OGFRL1: variants seen among roughly 807,000 people sequenced by gnomAD.
The protein encoded by OGFRL1 is opioid growth factor receptor like 1.
Under a neutral mutation model 32.4 loss-of-function variants are expected in OGFRL1, and 26 were observed. That is an observed-to-expected ratio of 0.80 (90% CI 0.59 to 1.11). OGFRL1 has a LOEUF of 1.11. OGFRL1 is among the 50% of genes most tolerant of loss of function. The probability of loss-of-function intolerance (pLI) is 0.00; values close to 1 mark genes in which losing one functional copy is unlikely to be tolerated. For synonymous variants in OGFRL1, 211 were observed against 201.2 expected, an observed-to-expected ratio of 1.05 and a Z score of -0.41; for missense variants, 521 against 546.4, an observed-to-expected ratio of 0.95 and a Z score of 0.46.
At position 71,293,249 on chromosome 6, in the gene OGFRL1, T is replaced by C. The variant is rs375126115; in HGVS notation, c.235-44T>C. 7 of 1,511,596 alleles carry C rather than the reference T, an allele frequency of 4.6e-6. No homozygotes were observed. In the African/African-American group the frequency reaches 6.9e-5, roughly 15 times the overall value. 93.6% of individuals were successfully genotyped at this position (1,511,596 alleles called of 1,614,324 possible). On this transcript the variant is annotated intron_variant, in intron 1 of 6. Coordinates refer to ENST00000370435, the MANE Select transcript of OGFRL1 (RefSeq NM_024576.5). Reference sequence around the variant, plus strand: ...TGTTCTGGAAATTTCTTTGTGAAATTATCTTGCGTCAACATGTAAACGGAG... The same window carrying C: ...TGTTCTGGAAATTTCTTTGTGAAATCATCTTGCGTCAACATGTAAACGGAG...
rs1316819170 is a variant in OGFRL1 at position 71,308,446 on chromosome 6, G to C, written c.*6397G>C. On this transcript the variant is annotated 3_prime_UTR_variant, in exon 7 of 7. Coordinates refer to ENST00000370435, the MANE Select transcript of OGFRL1 (RefSeq NM_024576.5). ...AGATTATGTCATTTTGGAAACTATTGTGTCCCTTGTATTTTAAATATTTCA... is the reference window on the plus strand; with the variant it reads ...AGATTATGTCATTTTGGAAACTATTCTGTCCCTTGTATTTTAAATATTTCA... 6.6e-6 allele frequency: 1 copy of C among 152,116 alleles called. No homozygotes were observed. Among genetic ancestry groups the C allele is most frequent in the African/African-American group, 2.4e-5 (1 of 41,420 alleles). 9.4% of individuals were successfully genotyped at this position (152,116 alleles called of 1,614,324 possible). A position where few individuals can be genotyped will look rare whatever the true frequency, so the allele number is the denominator to read the frequency against.
chr6:71,296,293 C>A (rs1258822561), intron 3 of OGFRL1, 24 bp from the exon 4 acceptor site: 1 of 1,471,530 alleles, frequency 6.8e-7, no homozygotes, highest in African/African-American at 1.4e-5. Flanking sequence ...ATGTCTGGTT[C>A]ATTTTTAAAT....
Position 71,293,627 on chromosome 6 carries a change from C to T in OGFRL1, c.400+16C>T. 1.3e-6 allele frequency: 2 copies of T among 1,512,864 alleles called. No homozygotes were observed. The highest frequency in any genetic ancestry group is 1.4e-5 in the African/African-American group (1 of 72,534). The allele number at this position is 1,512,864 out of a possible 1,614,324, so 93.7% of individuals were successfully genotyped here. A position where few individuals can be genotyped will look rare whatever the true frequency, so the allele number is the denominator to read the frequency against. On this transcript the variant is annotated intron_variant, in intron 3 of 6. Transcript: ENST00000370435. The stretch of plus-strand genomic sequence containing the variant: ...AAGCCAGATGGTGAGTAACGTACTA[C>T]TTGATAAATTGCACTTTAAATAATC...
rs1765956710 is a variant in OGFRL1, at chr6:71,289,149, C to G, written c.213C>G (p.Ala71=). ...PGASPAPDED[A]EAAGAEQGGD... is the part of the protein sequence containing the mutation. Reference sequence around the variant, plus strand: ...CCAGCCCCGCGCCGGACGAGGACGCCGAGGCGGCGGGCGCCGAGCAGGTAC... The same window carrying G: ...CCAGCCCCGCGCCGGACGAGGACGCGGAGGCGGCGGGCGCCGAGCAGGTAC... The change falls in exon 1 of 7, where the codon GCC becomes GCG. Residue 71 remains alanine (A), a synonymous_variant. Coordinates refer to ENST00000370435, the MANE Select transcript of OGFRL1 (RefSeq NM_024576.5). 1 of 1,086,484 alleles carries G rather than the reference C, an allele frequency of 9.2e-7. No individual in the cohort carries two copies. The highest frequency in any genetic ancestry group is 4.3e-5 in the South Asian group (1 of 23,342). 67.3% of individuals were successfully genotyped at this position (1,086,484 alleles called of 1,614,324 possible).
chr6:71,299,865 T>C (rs890957439), intron 6 of OGFRL1, among the ~76,000 whole-genome samples: 2 of 152,224 alleles, frequency 1.3e-5, no homozygotes, highest in Non-Finnish European at 2.9e-5. Flanking sequence ...CACAGTTGAA[T>C]GTTAAGACAA....
At position 71,301,958 on chromosome 6, in the gene OGFRL1, CTCCTGAG is replaced by C. The variant is rs1561952110; in HGVS notation, c.1266_1272del (p.Pro423IlefsTer25). The C allele has an allele frequency of 6.2e-7, 1 of 1,608,126 alleles. No individual in the cohort carries two copies. The highest frequency in any genetic ancestry group is 1.7e-5 in the Admixed American group (1 of 58,324). ...CCCACAGAAAAAAAGGAGAGTGTAT[CTCCTGAG>C]AATAACGAAGAAGGTGGAAATGATA... On this transcript the variant is annotated frameshift_variant, in exon 7 of 7. Coordinates refer to ENST00000370435, the MANE Select transcript of OGFRL1 (RefSeq NM_024576.5). LOFTEE classifies it low-confidence loss of function (END_TRUNC).
intron 1 of OGFRL1, among the ~76,000 whole-genome samples, chr6:71,292,557 C>A (rs1766082988): frequency 6.6e-6 from 1 of 152,162 alleles, no homozygotes; most frequent in Admixed American, 6.5e-5. Flanking sequence ...CTTTAAAAAT[C>A]AGTTCATGGT....
chr6:71,289,175 G>C lies in OGFRL1; in HGVS notation c.234+5G>C. The C allele has an allele frequency of 9.4e-7, 1 of 1,068,570 alleles. No homozygotes were observed. The highest frequency in any genetic ancestry group is 1.1e-6 in the Non-Finnish European group (1 of 886,280). 66.2% of individuals were successfully genotyped at this position (1,068,570 alleles called of 1,614,324 possible). ...GAGGCGGCGGGCGCCGAGCAGGTACGCGGCCCAGCGGTGGCCTCGGGTCGG... is the reference window on the plus strand; with the variant it reads ...GAGGCGGCGGGCGCCGAGCAGGTACCCGGCCCAGCGGTGGCCTCGGGTCGG... On this transcript the variant is annotated splice_donor_5th_base_variant and intron_variant, in intron 1 of 6. Transcript: ENST00000370435.
In OGFRL1 at chr6:71,293,462, T is replaced by C; in HGVS notation, c.322-71T>C. 4 of 1,558,854 alleles carry C rather than the reference T, an allele frequency of 2.6e-6. No individual in the cohort carries two copies. In the East Asian group the frequency reaches 6.7e-5, roughly 26 times the overall value. ...TTTTTATGGTGCCACTGAGAAAACATGCATGAAGGGTCCTTGTATCTTTAC... is the reference window on the plus strand; with the variant it reads ...TTTTTATGGTGCCACTGAGAAAACACGCATGAAGGGTCCTTGTATCTTTAC... On this transcript the variant is annotated intron_variant, in intron 2 of 6. Transcript: ENST00000370435.
intron 6 of OGFRL1, among the ~76,000 whole-genome samples, chr6:71,300,564 G>C (rs903934419): frequency 5.9e-5 from 9 of 151,990 alleles, no homozygotes; most frequent in African/African-American, 2.2e-4. Context: ...CAAATATGGT[G>C]GTCCCTAATC....
intron 3 of OGFRL1, chr6:71,295,520 G>A (rs988906923): frequency 3.9e-5 from 6 of 152,092 alleles, no homozygotes; most frequent in Non-Finnish European, 8.8e-5. Flanking sequence ...AGGGTGAAAA[G>A]GGCTTACTTC....
chr6:71,289,504 T>C (rs972129120), intron 1 of OGFRL1: 1 of 954,846 alleles, frequency 1.0e-6, no homozygotes. Flanking sequence ...GGAACCTGTC[T>C]AAAAATAGAG....
At chr6:71,291,567 G>C (rs1370028214) in intron 1 of OGFRL1, 1 of 152,194 alleles carries the variant, frequency 6.6e-6, no homozygotes, top group Non-Finnish European at 1.5e-5. Context: ...GAACAATATT[G>C]AACAACAGAA....
Position 71,301,943 on chromosome 6 carries a change from A to C in OGFRL1, c.1250A>C (p.Lys417Thr), listed in dbSNP as rs143633069. 58 of 1,613,644 alleles carry C rather than the reference A, an allele frequency of 3.6e-5. No homozygotes were observed. In the African/African-American group the frequency reaches 4.8e-4, roughly 13 times the overall value. The change falls in exon 7 of 7, where the codon AAA (lysine) becomes ACA (threonine). Residue 417 changes from lysine (K) to threonine (T), a missense_variant. Physicochemically the swap from Lys to Thr is moderately conservative, Grantham distance 78. Coordinates refer to ENST00000370435, the MANE Select transcript of OGFRL1 (RefSeq NM_024576.5). ...AAAACAGTTACTACTCCCACAGAAA[A>C]AAAGGAGAGTGTATCTCCTGAGAAT... Reference protein sequence around the residue: ...PEKTVTTPTEKKESVSPENNE... With the variant: ...PEKTVTTPTETKESVSPENNE...
chr6:71,289,278 G>A, intron 1 of OGFRL1, 108 bp downstream of exon 1: 1 of 1,011,114 alleles, frequency 9.9e-7, no homozygotes, highest in Non-Finnish European at 1.2e-6. Context: ...CCAGGTGGCT[G>A]CTCGCCGCTG....
chr6:71,300,106 T>C (rs887124523), intron 6 of OGFRL1, among the ~76,000 whole-genome samples: 1 of 152,210 alleles, frequency 6.6e-6, no homozygotes, highest in Non-Finnish European at 1.5e-5. Flanking sequence ...TCAAGCATTT[T>C]TGGAAGCTAG....
intron 1 of OGFRL1, chr6:71,291,365 AAAG>A (rs1354135443): frequency 1.3e-5 from 2 of 152,252 alleles, no homozygotes; most frequent in Admixed American, 6.5e-5. Context: ...TGGGGAAAGA[AAAG>A]AAGGAAACAA....
At chr6:71,295,043 G>A (rs1408239288) in intron 3 of OGFRL1, 2 of 152,004 alleles carry the variant, frequency 1.3e-5, no homozygotes, top group Admixed American at 1.3e-4. Context: ...ATTGGTGGGG[G>A]TCAGAAGTTT....
At position 71,289,016 on chromosome 6, in the gene OGFRL1, C is replaced by G. The variant is rs867388532; in HGVS notation, c.80C>G (p.Ser27Trp). ...TGCGACTCCACCTGGCAGACCGACTCGGAGCCCGAGCCCGAAGAACCAGGG... is the reference window on the plus strand; with the variant it reads ...TGCGACTCCACCTGGCAGACCGACTGGGAGCCCGAGCCCGAAGAACCAGGG... The part of the protein sequence containing the change: ...EDCDSTWQTD[S>W]EPEPEEPGPG... Residue 27 changes from serine (S) to tryptophan (W), a missense_variant, in exon 1 of 7, where the codon TCG becomes TGG. Ser to Trp is a radical substitution (Grantham distance 177). Coordinates refer to ENST00000370435, the MANE Select transcript of OGFRL1 (RefSeq NM_024576.5). 2 of 1,364,966 alleles carry G rather than the reference C, an allele frequency of 1.5e-6. No homozygotes were observed. Among genetic ancestry groups the G allele is most frequent in the African/African-American group, 3.1e-5 (2 of 65,258 alleles). The allele number at this position is 1,364,966 out of a possible 1,614,324, so 84.6% of individuals were successfully genotyped here. A position where few individuals can be genotyped will look rare whatever the true frequency, so the allele number is the denominator to read the frequency against.
Sources: allele counts gnomAD v4.1 joint callset (sites outside exome capture counted in the v4.1 genomes callset), GRCh38; gene constraint gnomAD v4.1.1; transcripts MANE v1.5; gene names NCBI Gene and HGNC (gene_info 2026-07-23, HGNC 2026-07-21).